The following APLP2 variants were observed in gnomAD, a reference collection of about 807,000 sequenced individuals.
APLP2 encodes the protein CDEI box-binding protein.
A neutral mutation model predicts 89.9 loss-of-function variants in APLP2; 53 were observed. The observed-to-expected ratio is 0.59, with a 90% CI of 0.47 to 0.74. The LOEUF (loss-of-function observed/expected upper bound fraction) is 0.74. Among genes scored for constraint, APLP2 ranks in the 30% least tolerant of loss-of-function variants. APLP2 has a pLI of 0.00. For missense variants in APLP2, 973 were observed against 975.9 expected (o/e 1.00, Z 0.04); for synonymous variants, 372 against 348.6 (o/e 1.07, Z -0.75).
At chr11:130,077,691 ACT>A (rs1942376980) in intron 1 of APLP2, among the ~76,000 whole-genome samples, 1 of 152,008 alleles carries the variant, frequency 6.6e-6, no homozygotes, top group Admixed American at 6.6e-5. Context: ...TCCAGAAGTA[ACT>A]CTTGAGTTAG....
At chr11:130,131,905 G>A (rs1369678615) in intron 11 of APLP2, among the ~76,000 whole-genome samples, 1 of 152,146 alleles carries the variant, frequency 6.6e-6, no homozygotes, top group African/African-American at 2.4e-5. Context: ...CCTGCTCTTA[G>A]CTTTAATTCT....
intron 1 of APLP2, among the ~76,000 whole-genome samples, chr11:130,073,988 T>C (rs1226712763): frequency 1.3e-5 from 2 of 152,180 alleles, no homozygotes; most frequent in African/African-American, 4.8e-5. Context: ...TATTTGAGAG[T>C]AAGTTGCATA....
At position 130,143,497 on chromosome 11, in the gene APLP2, AGATCCCACGATTCC is replaced by A; in HGVS notation, c.*54_*67del. ...GGCGGAGGGATGCAGGTGGGCCGGA[AGATCCCACGATTCC>A]GATCGACTGCCAAGCAGCAGCCGCT... is the stretch of plus-strand genomic sequence containing the variant. On this transcript the variant is annotated 3_prime_UTR_variant, in exon 17 of 17. Coordinates refer to ENST00000338167, the MANE Select transcript of APLP2 (RefSeq NM_001142276.2). 2 of 1,493,380 alleles carry A rather than the reference AGATCCCACGATTCC, an allele frequency of 1.3e-6. No homozygotes were observed. The highest frequency in any genetic ancestry group is 1.9e-6 in the Non-Finnish European group (2 of 1,072,218). The allele number at this position is 1,493,380 out of a possible 1,614,324, so 92.5% of individuals were successfully genotyped here.
chr11:130,137,351 C>A (rs1951754645), intron 13 of APLP2: 4 of 1,451,014 alleles, frequency 2.8e-6, no homozygotes, highest in South Asian at 1.1e-5. Context: ...CCTAGTGTGT[C>A]CGAAGCTTCA....
intron 1 of APLP2, chr11:130,100,541 AC>A (rs1306093469): frequency 6.6e-6 from 1 of 152,118 alleles, no homozygotes; most frequent in Non-Finnish European, 1.5e-5. Context: ...TGAAAGACAG[AC>A]CTCTATTAAA....
chr11:130,116,686 G>C (rs1949216013), intron 3 of APLP2, among the ~76,000 whole-genome samples: 1 of 151,720 alleles, frequency 6.6e-6, no homozygotes, highest in South Asian at 2.1e-4. Context: ...TGGCCAGGCT[G>C]GTCTTGAACT....
chr11:130,110,831 T>C (rs1948454205), intron 3 of APLP2, among the ~76,000 whole-genome samples, 170 bp downstream of exon 3: 1 of 152,132 alleles, frequency 6.6e-6, no homozygotes, highest in Non-Finnish European at 1.5e-5. Flanking sequence ...GTGTCAGTGG[T>C]TGACCTCCTC....
At chr11:130,076,865 C>T (rs1208254481) in intron 1 of APLP2, among the ~76,000 whole-genome samples, 1 of 152,228 alleles carries the variant, frequency 6.6e-6, no homozygotes, top group Non-Finnish European at 1.5e-5. Flanking sequence ...GTATCAGATG[C>T]TTCTAGCCAA....
chr11:130,117,702 T>C (rs1484777075), intron 3 of APLP2, among the ~76,000 whole-genome samples: 1 of 152,268 alleles, frequency 6.6e-6, no homozygotes, highest in Non-Finnish European at 1.5e-5. Context: ...CATCATACTG[T>C]ACCTGACCTT....
At chr11:130,119,145 T>A (rs1191783896) in intron 3 of APLP2, among the ~76,000 whole-genome samples, 3 of 152,188 alleles carry the variant, frequency 2.0e-5, no homozygotes, top group Non-Finnish European at 4.4e-5. Context: ...CTAAGCCCTT[T>A]CTTAGACCAC....
At chr11:130,117,573 T>G (rs1258514567) in intron 3 of APLP2, among the ~76,000 whole-genome samples, 1 of 152,078 alleles carries the variant, frequency 6.6e-6, no homozygotes, top group Non-Finnish European at 1.5e-5. Context: ...CCTGGCTAAT[T>G]TTTGTATTTT....
chr11:130,070,737 A>G (rs2135269878), intron 1 of APLP2: 2 of 1,456,580 alleles, frequency 1.4e-6, no homozygotes, highest in Non-Finnish European at 9.0e-7. Flanking sequence ...GACCGAGGAA[A>G]CCCGCTCTGG....
Position 130,141,402 on chromosome 11 carries a change from T to TC in APLP2, c.1924-94dup. 9.8e-7 allele frequency: 1 copy of TC among 1,017,116 alleles called. No homozygotes were observed. The highest frequency in any genetic ancestry group is 2.4e-5 in the East Asian group (1 of 41,698). The allele number at this position is 1,017,116 out of a possible 1,614,324, so 63.0% of individuals were successfully genotyped here. A position where few individuals can be genotyped will look rare whatever the true frequency, so the allele number is the denominator to read the frequency against. On this transcript the variant is annotated intron_variant, in intron 14 of 16. Transcript: ENST00000338167. The surrounding 1 kb of genome is among the most constrained non-coding windows in gnomAD (Gnocchi z 4.2). ...GGGGTCCCACAGGTACCTGCTTCCT[T>TC]CCATCAAGCAGCAGGTAGCAGAGGA...
At chr11:130,135,496 G>A (rs1951464170) in intron 12 of APLP2, 67 bp from the exon 13 acceptor site, 1 of 1,556,880 alleles carries the variant, frequency 6.4e-7, no homozygotes, top group African/African-American at 1.4e-5. Flanking sequence ...GAGCTCTAGA[G>A]CATCCTGTGC....
At position 130,104,903 on chromosome 11, in the gene APLP2, G is replaced by C. The variant is rs114916426; in HGVS notation, c.106-4526G>C. Among the ~76,000 whole-genome samples, 1,452 of 152,206 alleles carry C rather than the reference G, an allele frequency of 9.5e-3. 28 individuals carry two copies. The highest frequency in any genetic ancestry group is 0.033 in the African/African-American group (1,353 of 41,522). ...AGCTTTCTCCCAGCTGTCCAACAAG[G>C]GTTGGTGCTTCCTTCTCTTATACTA... On this transcript the variant is annotated intron_variant, in intron 1 of 16. Transcript: ENST00000338167.
At chr11:130,109,235 T>C in intron 1 of APLP2, 194 bp from the exon 2 acceptor site, 1 of 424,390 alleles carries the variant, frequency 2.4e-6, no homozygotes, top group Non-Finnish European at 4.0e-6. Context: ...CCTTTGCCTT[T>C]CACTTTGATC....
chr11:130,141,133 C>T lies in APLP2; in HGVS notation c.1924-365C>T, dbSNP rs1476899406. 5.5e-6 allele frequency: 1 copy of T among 183,038 alleles called. No homozygotes were observed. Among genetic ancestry groups the T allele is most frequent in the Non-Finnish European group, 1.1e-5 (1 of 87,188 alleles). The allele number at this position is 183,038 out of a possible 1,614,324, so 11.3% of individuals were successfully genotyped here. On this transcript the variant is annotated intron_variant, in intron 14 of 16. Transcript: ENST00000338167. The surrounding 1 kb of genome is among the most constrained non-coding windows in gnomAD (Gnocchi z 4.2). Reference sequence around the variant, plus strand: ...GTGTTAGCCAGGATGGTCTCGATCTCCTGACCTTGTGATCCACCTGCCTCG... The same window carrying T: ...GTGTTAGCCAGGATGGTCTCGATCTTCTGACCTTGTGATCCACCTGCCTCG...
In APLP2 at chr11:130,123,517, C is replaced by T. The variant is rs775542519; in HGVS notation, c.923-95C>T. 2.2e-6 allele frequency: 3 copies of T among 1,374,954 alleles called. No individual in the cohort carries two copies. The highest frequency in any genetic ancestry group is 3.0e-6 in the Non-Finnish European group (3 of 1,010,906). The allele number at this position is 1,374,954 out of a possible 1,614,324, so 85.2% of individuals were successfully genotyped here. A position where few individuals can be genotyped will look rare whatever the true frequency, so the allele number is the denominator to read the frequency against. On this transcript the variant is annotated intron_variant, in intron 6 of 16. Coordinates refer to ENST00000338167, the MANE Select transcript of APLP2 (RefSeq NM_001142276.2). The surrounding 1 kb of genome is among the most constrained non-coding windows in gnomAD (Gnocchi z 4.0). ...CAGGCTCCGTCCAGTCTCAGGCCTC[C>T]CCCAGCCCATCCCCCAGCTCGCCAG...
At chr11:130,125,546 C>T (rs376670761) in intron 7 of APLP2, among the ~76,000 whole-genome samples, 5 of 152,118 alleles carry the variant, frequency 3.3e-5, no homozygotes, top group Non-Finnish European at 7.3e-5. Context: ...CTTTAGTTGT[C>T]GTTTTTAGGT....
Sources: allele counts gnomAD v4.1 joint callset (sites outside exome capture counted in the v4.1 genomes callset), GRCh38; gene constraint gnomAD v4.1.1; non-coding constraint Gnocchi (gnomAD v3.1); transcripts MANE v1.5; gene names NCBI Gene and HGNC (gene_info 2026-07-23, HGNC 2026-07-21).